COL25A1: variants seen among roughly 807,000 people sequenced by gnomAD.
COL25A1 encodes the protein collagen type XXV alpha 1 chain.
In COL25A1, 103 loss-of-function variants were observed where a neutral mutation model predicts 128.4. The observed-to-expected ratio is 0.80, with a 90% CI of 0.68 to 0.94. The LOEUF (loss-of-function observed/expected upper bound fraction) is 0.94, where lower values mean the gene tolerates loss of function less well. Ranked by LOEUF, COL25A1 falls within the 40% of genes least tolerant of loss-of-function variation. The pLI is 0.00. For synonymous variants in COL25A1, 279 were observed against 277.2 expected (o/e 1.01, Z -0.06); for missense variants, 745 against 840.0 (o/e 0.89, Z 1.40).
In COL25A1 at chr4:108,905,850, C is replaced by T. The variant is rs1405146; in HGVS notation, c.781-4678G>A. Reference sequence around the variant, plus strand: ...ACTCTGCCAAGCTGGAGCAGTATGTCGGGGGGGGGTGCGGGGGGAGGCGTG... The same window carrying T: ...ACTCTGCCAAGCTGGAGCAGTATGTTGGGGGGGGGTGCGGGGGGAGGCGTG... On this transcript the variant is annotated intron_variant, in intron 13 of 37. Coordinates refer to ENST00000399132, the MANE Select transcript of COL25A1 (RefSeq NM_198721.4). 8.4e-3 allele frequency among the ~76,000 whole-genome samples: 1,041 copies of T among 124,366 alleles called. 9 individuals carry two copies. Among genetic ancestry groups the T allele is most frequent in the Middle Eastern group, 0.016 (4 of 246 alleles). The allele number at this position is 124,366 out of a possible 152,430, so 81.6% of individuals were successfully genotyped here.
chr4:108,883,643 A>T (rs2125833974), intron 19 of COL25A1, among the ~76,000 whole-genome samples: 1 of 152,292 alleles, frequency 6.6e-6, no homozygotes, highest in African/African-American at 2.4e-5. Context: ...ATTTCAAAAG[A>T]TATTTAGAAA....
chr4:109,184,142 CAGATAGCAGTTTT>C (rs1774919488), intron 3 of COL25A1, among the ~76,000 whole-genome samples: 1 of 152,098 alleles, frequency 6.6e-6, no homozygotes, highest in Non-Finnish European at 1.5e-5. Flanking sequence ...GGCTTTGTTC[CAGATAGCAGTTTT>C]CAAGGAATTT....
intron 3 of COL25A1, among the ~76,000 whole-genome samples, chr4:109,142,402 G>T (rs1770498545): frequency 6.6e-6 from 1 of 152,128 alleles, no homozygotes; most frequent in Non-Finnish European, 1.5e-5. Flanking sequence ...TGTTGATTTG[G>T]GGTGGAGAGT....
intron 3 of COL25A1, among the ~76,000 whole-genome samples, chr4:109,258,681 G>C (rs1781239738): frequency 6.6e-6 from 1 of 152,082 alleles, no homozygotes. Flanking sequence ...TGATAGCAGT[G>C]TTGGCACCAA....
chr4:108,846,071 G>T, intron 28 of COL25A1, 68 bp downstream of exon 28: 1 of 1,030,816 alleles, frequency 9.7e-7, no homozygotes, highest in African/African-American at 1.6e-5. Flanking sequence ...ACTCTTTTCT[G>T]ATTGTTTAAT....
intron 9 of COL25A1, 43 bp from the exon 10 acceptor site, chr4:108,940,689 T>C: frequency 7.6e-7 from 1 of 1,321,456 alleles, no homozygotes. Flanking sequence ...CCATGAAAGA[T>C]AAAGACCCAG....
chr4:109,094,008 C>G (rs1041795574), intron 3 of COL25A1, among the ~76,000 whole-genome samples: 1 of 151,794 alleles, frequency 6.6e-6, no homozygotes, highest in Admixed American at 6.6e-5. Context: ...TATTATATGA[C>G]TAGTCAAATA....
chr4:109,167,834 C>T (rs1350962518), intron 3 of COL25A1, among the ~76,000 whole-genome samples: 1 of 152,024 alleles, frequency 6.6e-6, no homozygotes, highest in Non-Finnish European at 1.5e-5. Flanking sequence ...TAACAGAAGA[C>T]AATCTAGAGT....
intron 3 of COL25A1, among the ~76,000 whole-genome samples, chr4:109,218,202 T>A (rs1778144301): frequency 6.6e-6 from 1 of 152,174 alleles, no homozygotes; most frequent in Non-Finnish European, 1.5e-5. Flanking sequence ...ACCTTTCAGA[T>A]GAATCCTGTA....
At chr4:108,993,527 C>T (rs1754434009) in intron 6 of COL25A1, among the ~76,000 whole-genome samples, 1 of 152,110 alleles carries the variant, frequency 6.6e-6, no homozygotes, top group South Asian at 2.1e-4. Context: ...CCATTTACAA[C>T]TCAATAATAG....
chr4:108,992,833 G>GT (rs5860957), intron 6 of COL25A1, among the ~76,000 whole-genome samples: 27 of 150,608 alleles, frequency 1.8e-4, no homozygotes, highest in Admixed American at 6.6e-4. Context: ...TGTTTGTTTT[G>GT]TTTTTTTTTT....
At chr4:108,936,503 G>T (rs903433373) in intron 11 of COL25A1, among the ~76,000 whole-genome samples, 7 of 152,116 alleles carry the variant, frequency 4.6e-5, no homozygotes, top group African/African-American at 1.7e-4. Flanking sequence ...GGAGGTGGTG[G>T]TTGCAGTGAG....
At chr4:108,819,734 G>T in intron 35 of COL25A1, 1 of 660,428 alleles carries the variant, frequency 1.5e-6, no homozygotes, top group Non-Finnish European at 2.2e-6. Context: ...CTCCTGTTAC[G>T]GATCCCTCCG....
At chr4:108,993,866 A>AAAG (rs1172646115) in intron 6 of COL25A1, among the ~76,000 whole-genome samples, 1 of 151,732 alleles carries the variant, frequency 6.6e-6, no homozygotes, top group Non-Finnish European at 1.5e-5. Context: ...ATCTCAAAAA[A>AAAG]AAAAAAACAA....
chr4:109,253,208 T>A (rs1780780807), intron 3 of COL25A1, among the ~76,000 whole-genome samples: 1 of 152,094 alleles, frequency 6.6e-6, no homozygotes, highest in African/African-American at 2.4e-5. Flanking sequence ...AGAGCCAATA[T>A]GATGATGTAA....
chr4:109,071,001 C>T (rs1762920994), intron 3 of COL25A1, among the ~76,000 whole-genome samples: 3 of 151,974 alleles, frequency 2.0e-5, no homozygotes, highest in African/African-American at 7.3e-5. Context: ...CAATCCTAAG[C>T]CAAAAGAATA....
intron 3 of COL25A1, among the ~76,000 whole-genome samples, chr4:109,234,619 A>C (rs1160186941): frequency 6.6e-6 from 1 of 151,996 alleles, no homozygotes; most frequent in Non-Finnish European, 1.5e-5. Flanking sequence ...GCCACCAAAG[A>C]AGCACTTCCA....
At chr4:108,894,561 T>C (rs1741914694) in intron 16 of COL25A1, among the ~76,000 whole-genome samples, 2 of 152,120 alleles carry the variant, frequency 1.3e-5, no homozygotes, top group Admixed American at 1.3e-4. Flanking sequence ...AAATAAAGTT[T>C]TATTGGAACA....
intron 16 of COL25A1, among the ~76,000 whole-genome samples, chr4:108,896,344 G>A (rs1046837658): frequency 3.9e-5 from 6 of 151,946 alleles, no homozygotes; most frequent in African/African-American, 1.5e-4. Context: ...ATATACCTGC[G>A]CATAAAGGGA....
Sources: gnomAD v4.1 joint callset for allele counts (sites outside exome capture counted in the v4.1 genomes callset) on GRCh38, gnomAD v4.1.1 for gene constraint, MANE v1.5 for transcripts, NCBI Gene and HGNC (gene_info 2026-07-23, HGNC 2026-07-21) for gene names.